The following DLC1 variants were observed in gnomAD, a reference collection of about 807,000 sequenced individuals.
DLC1 encodes the protein DLC1 Rho GTPase activating protein, also known as rho GTPase-activating protein 7.
A neutral mutation model predicts 140.3 loss-of-function variants in DLC1; 54 were observed. That is an observed-to-expected ratio of 0.38 (90% confidence interval 0.31 to 0.48). The LOEUF is 0.48. Ranked by LOEUF, DLC1 falls within the 20% of genes least tolerant of loss-of-function variation. The pLI is 0.96. For missense variants in DLC1, 2,536 were observed against 1,907.0 expected, an observed-to-expected ratio of 1.33 and a Z score of -6.14; for synonymous variants, 986 against 728.1, an observed-to-expected ratio of 1.35 and a Z score of -5.70.
At position 13,406,003 on chromosome 8, in the gene DLC1, C is replaced by A. The variant is rs776734028; in HGVS notation, c.1024-4384G>T. ...CTCTCTCTCTCTCTCTTTCTTTATT[C>A]TTCTTCTTTTTTTTTTTTTGGGAGA... On this transcript the variant is annotated intron_variant, in intron 2 of 17. Transcript: ENST00000276297. 7.6e-5 allele frequency among the ~76,000 whole-genome samples: 5 copies of A among 65,714 alleles called. No individual in the cohort carries two copies. In the South Asian group the frequency reaches 1.4e-3, roughly 19 times the overall value. 43.1% of individuals were successfully genotyped at this position (65,714 alleles called of 152,430 possible).
intron 5 of DLC1, among the ~76,000 whole-genome samples, chr8:13,164,616 T>G (rs1824971475): frequency 6.6e-6 from 1 of 152,174 alleles, no homozygotes; most frequent in Non-Finnish European, 1.5e-5. Flanking sequence ...TGGGATGTGG[T>G]GTGTGAATTG....
At chr8:13,342,717 A>G (rs57218302) in intron 4 of DLC1, 11,385 of 153,196 alleles carry the variant, frequency 0.074, 491 homozygotes, top group South Asian at 0.093. Context: ...TGCCAGCCCC[A>G]CAATTATGTA....
At chr8:13,198,375 A>AT (rs1239384624) in intron 5 of DLC1, among the ~76,000 whole-genome samples, 2 of 152,172 alleles carry the variant, frequency 1.3e-5, no homozygotes, top group African/African-American at 4.8e-5. Flanking sequence ...CCGGTTCCAG[A>AT]TATTACCTCT....
chr8:13,413,509 TA>T (rs1288293325), intron 2 of DLC1, among the ~76,000 whole-genome samples: 2 of 151,840 alleles, frequency 1.3e-5, no homozygotes, highest in Non-Finnish European at 2.9e-5. Flanking sequence ...CATATATATA[TA>T]TATACACGTA....
At chr8:13,227,424 G>C (rs1381049748) in intron 5 of DLC1, among the ~76,000 whole-genome samples, 1 of 152,188 alleles carries the variant, frequency 6.6e-6, no homozygotes, top group Non-Finnish European at 1.5e-5. Context: ...AGATTCCCTA[G>C]ATGGTGAAGT....
chr8:13,098,176 G>T (rs1249009507), intron 10 of DLC1, among the ~76,000 whole-genome samples: 2 of 151,836 alleles, frequency 1.3e-5, no homozygotes, highest in African/African-American at 4.8e-5. Context: ...AGTGAGCCGA[G>T]ATCGCACCAC....
chr8:13,369,788 C>G (rs1835649099), intron 4 of DLC1, among the ~76,000 whole-genome samples: 1 of 151,992 alleles, frequency 6.6e-6, no homozygotes, highest in Non-Finnish European at 1.5e-5. Context: ...TGCCCATAAG[C>G]TGTTCTCAAC....
intron 2 of DLC1, among the ~76,000 whole-genome samples, chr8:13,421,918 A>G (rs1385658775): frequency 1.3e-5 from 2 of 152,178 alleles, no homozygotes; most frequent in Non-Finnish European, 1.5e-5. Context: ...CATATGAACT[A>G]TGTACCCATG....
chr8:13,594,266 C>T (rs1205983493), intron 1 of DLC1, among the ~76,000 whole-genome samples: 1 of 152,020 alleles, frequency 6.6e-6, no homozygotes, highest in Non-Finnish European at 1.5e-5. Context: ...ACCTCATGAC[C>T]TTTTGAAGTA....
chr8:13,485,585 C>T lies in DLC1; in HGVS notation c.1023+13464G>A, dbSNP rs566372192. Among the ~76,000 whole-genome samples the T allele has an allele frequency of 1.4e-4, 22 of 152,290 alleles. No homozygotes were observed. In the South Asian group the frequency reaches 3.3e-3, roughly 23 times the overall value. On this transcript the variant is annotated intron_variant, in intron 2 of 17. Coordinates refer to ENST00000276297, the MANE Select transcript of DLC1 (RefSeq NM_182643.3). ...ATCACTCACTGTATCAATGTAGTAA[C>T]GTATCTGTTGACATCTCCTGAGTAA...
intron 2 of DLC1, among the ~76,000 whole-genome samples, chr8:13,484,202 G>T (rs1800866120): frequency 6.6e-6 from 1 of 152,152 alleles, no homozygotes; most frequent in African/African-American, 2.4e-5. Flanking sequence ...AGTAATTTGA[G>T]GAAAAGATGG....
chr8:13,536,221 C>G (rs1452187309), intron 1 of DLC1: 1 of 152,084 alleles, frequency 6.6e-6, no homozygotes, highest in Non-Finnish European at 1.5e-5. Context: ...ATATACAACA[C>G]AAAGTGAAGG....
At chr8:13,398,011 A>T (rs991551436) in intron 3 of DLC1, among the ~76,000 whole-genome samples, 1 of 144,678 alleles carries the variant, frequency 6.9e-6, no homozygotes, top group Non-Finnish European at 1.5e-5. Flanking sequence ...CATGCTTTTA[A>T]TCACAGCTAC....
At chr8:13,438,295 C>G (rs1298236576) in intron 2 of DLC1, among the ~76,000 whole-genome samples, 1 of 152,074 alleles carries the variant, frequency 6.6e-6, no homozygotes, top group African/African-American at 2.4e-5. Context: ...ATTGCTTTGT[C>G]TTATGGCCCT....
intron 4 of DLC1, among the ~76,000 whole-genome samples, chr8:13,362,585 A>C (rs73203999): frequency 6.6e-6 from 1 of 151,788 alleles, no homozygotes; most frequent in Non-Finnish European, 1.5e-5. Flanking sequence ...TTAATGGTCT[A>C]TTATCTAGTA....
intron 2 of DLC1, among the ~76,000 whole-genome samples, chr8:13,464,447 T>C (rs1487018007): frequency 6.6e-6 from 1 of 152,206 alleles, no homozygotes; most frequent in Non-Finnish European, 1.5e-5. Flanking sequence ...TAAATCTTTA[T>C]GGTTAAACGC....
chr8:13,167,098 C>T (rs1281551743), intron 5 of DLC1, among the ~76,000 whole-genome samples: 13 of 152,030 alleles, frequency 8.6e-5, no homozygotes, highest in East Asian at 5.8e-4. Flanking sequence ...AGCTGAACTA[C>T]GCAACTAGAG....
In DLC1 at chr8:13,094,949, G is replaced by C; in HGVS notation, c.3336C>G (p.Leu1112=). The C allele has an allele frequency of 1.2e-6, 2 of 1,614,164 alleles. No individual in the cohort carries two copies. The highest frequency in any genetic ancestry group is 1.7e-6 in the Non-Finnish European group (2 of 1,180,030). Residue 1112 remains leucine, a synonymous_variant, in exon 12 of 18, where the codon CTC becomes CTG. Transcript: ENST00000276297. ...LRNHCLDQVG[L]FRKSGVKSRI... ...GGGACTTGACCCCCGATTTTCTGAAGAGCCCAACCTGTCGGAAGAGCAACA... is the reference window on the plus strand; with the variant it reads ...GGGACTTGACCCCCGATTTTCTGAACAGCCCAACCTGTCGGAAGAGCAACA...
intron 1 of DLC1, among the ~76,000 whole-genome samples, chr8:13,549,381 C>G (rs926560549): frequency 6.6e-6 from 1 of 152,118 alleles, no homozygotes; most frequent in Admixed American, 6.6e-5. Flanking sequence ...TTAGAAAGCA[C>G]TTCCATTTGA....
Sources: allele counts gnomAD v4.1 joint callset (sites outside exome capture counted in the v4.1 genomes callset), GRCh38; gene constraint gnomAD v4.1.1; transcripts MANE v1.5; gene names NCBI Gene and HGNC (gene_info 2026-07-23, HGNC 2026-07-21).